MGAT5: variants seen among roughly 807,000 people sequenced by gnomAD.
MGAT5 encodes the protein alpha-1,6-mannosylglycoprotein 6-beta-N-acetylglucosaminyltransferase, also known as alpha-1,6-mannosylglycoprotein 6-beta-N-acetylglucosaminyltransferase A.
MGAT5 carries 30 observed loss-of-function variants against 94.3 expected under a neutral mutation model. That is an observed-to-expected ratio of 0.32 (90% CI 0.24 to 0.43). MGAT5 has a LOEUF of 0.43. Among genes scored for constraint, MGAT5 ranks in the 20% least tolerant of loss-of-function variants. The pLI is 1.00. For missense variants in MGAT5, 691 were observed against 905.5 expected (o/e 0.76, Z 3.04); for synonymous variants, 310 against 322.9 (o/e 0.96, Z 0.43).
intron 2 of MGAT5, among the ~76,000 whole-genome samples, chr2:134,284,977 T>C (rs1225416047): frequency 6.6e-6 from 1 of 152,242 alleles, no homozygotes; most frequent in Non-Finnish European, 1.5e-5. Context: ...TTAAGCATAC[T>C]TAATTTTGTG....
intron 13 of MGAT5, among the ~76,000 whole-genome samples, chr2:134,427,538 C>A (rs992290574): frequency 5.9e-5 from 9 of 152,122 alleles, no homozygotes; most frequent in Non-Finnish European, 1.2e-4. Context: ...AACCTCAAGG[C>A]TTTTTTGGAA....
intron 9 of MGAT5, among the ~76,000 whole-genome samples, chr2:134,354,632 G>A (rs1218042339): frequency 1.3e-5 from 2 of 152,120 alleles, no homozygotes; most frequent in African/African-American, 2.4e-5. Context: ...CAGTCTCAGA[G>A]GTTCACTGGC....
chr2:134,271,938 A>G (rs1684054278), intron 2 of MGAT5, among the ~76,000 whole-genome samples: 1 of 152,166 alleles, frequency 6.6e-6, no homozygotes, highest in African/African-American at 2.4e-5. Context: ...ATGTGGTTTC[A>G]TCACTGTTCT....
At chr2:134,257,881 G>A (rs1033810563) in intron 1 of MGAT5, among the ~76,000 whole-genome samples, 2 of 130,764 alleles carry the variant, frequency 1.5e-5, no homozygotes, top group East Asian at 4.8e-4. Flanking sequence ...TATGTGCAGT[G>A]CATTGCCTAC....
chr2:134,260,702 C>CT (rs3838494), intron 1 of MGAT5, among the ~76,000 whole-genome samples: 3,648 of 127,000 alleles, frequency 0.029, 61 homozygotes, highest in Middle Eastern at 0.041. Context: ...TTTTCTTTTT[C>CT]TTTTTTTTTT....
At chr2:134,355,246 G>C (rs973046685) in intron 9 of MGAT5, among the ~76,000 whole-genome samples, 1 of 152,136 alleles carries the variant, frequency 6.6e-6, no homozygotes, top group Non-Finnish European at 1.5e-5. Flanking sequence ...CCCTAACCCT[G>C]GTGTAACTTT....
In MGAT5 at chr2:134,312,932, C is replaced by T. The variant is rs145840657; in HGVS notation, c.407-4597C>T. On this transcript the variant is annotated intron_variant, in intron 2 of 15. Coordinates refer to ENST00000281923, the MANE Select transcript of MGAT5 (RefSeq NM_002410.5). ...ATTTCTTTTCCTGTCCTGTATTACG[C>T]TATTTCTATTCTCACCGTTCCTTTG... Among the ~76,000 whole-genome samples, 354 of 152,044 alleles carry T rather than the reference C, an allele frequency of 2.3e-3. 5 individuals carry two copies. The highest frequency in any genetic ancestry group is 0.018 in the East Asian group (94 of 5,170).
intron 10 of MGAT5, among the ~76,000 whole-genome samples, chr2:134,367,549 ACT>A (rs1176080206): frequency 6.6e-6 from 1 of 151,998 alleles, no homozygotes; most frequent in Non-Finnish European, 1.5e-5. Flanking sequence ...TAAAATACTT[ACT>A]CTCTGGCCTT....
intron 1 of MGAT5, among the ~76,000 whole-genome samples, chr2:134,166,371 C>G (rs79187460): frequency 5.5e-4 from 83 of 152,176 alleles, no homozygotes; most frequent in African/African-American, 2.0e-3. Flanking sequence ...TTCCTCTCCC[C>G]GAGGAGTATT....
chr2:134,442,458 C>G (rs910062092), intron 15 of MGAT5, among the ~76,000 whole-genome samples: 1 of 152,142 alleles, frequency 6.6e-6, no homozygotes, highest in Non-Finnish European at 1.5e-5. Context: ...GCGGCCTGTT[C>G]CCTTTTGCAC....
intron 1 of MGAT5, among the ~76,000 whole-genome samples, chr2:134,176,352 T>C (rs571808683): frequency 6.6e-6 from 1 of 152,066 alleles, no homozygotes; most frequent in Non-Finnish European, 1.5e-5. Flanking sequence ...GTGGGGTGGA[T>C]TGCGAGGTCA....
chr2:134,240,373 A>T lies in MGAT5; in HGVS notation c.-142-13889A>T, dbSNP rs562827533. 6.1e-3 allele frequency among the ~76,000 whole-genome samples: 728 copies of T among 120,160 alleles called. 7 individuals carry two copies. The highest frequency in any genetic ancestry group is 0.023 in the African/African-American group (649 of 28,196). 78.8% of individuals were successfully genotyped at this position (120,160 alleles called of 152,430 possible). A position where few individuals can be genotyped will look rare whatever the true frequency, so the allele number is the denominator to read the frequency against. On this transcript the variant is annotated intron_variant, in intron 1 of 16. Transcript: ENST00000409645. ...AATGAAAGTGTTTTTTTTTTTTTTT[A>T]CTATTTGTATGTTTGAAGGACATAA...
At chr2:134,174,092 C>T (rs1017604398) in intron 1 of MGAT5, among the ~76,000 whole-genome samples, 2 of 152,230 alleles carry the variant, frequency 1.3e-5, no homozygotes, top group Non-Finnish European at 2.9e-5. Flanking sequence ...CCAAATGAGC[C>T]TTTACCTCTA....
intron 14 of MGAT5, among the ~76,000 whole-genome samples, chr2:134,435,963 C>T (rs1365304194): frequency 6.6e-6 from 1 of 152,120 alleles, no homozygotes; most frequent in Non-Finnish European, 1.5e-5. Flanking sequence ...CAGTTGTGCC[C>T]TAAAAGCAGC....
intron 1 of MGAT5, 76 bp from the exon 2 acceptor site, chr2:134,270,310 A>G (rs930917654): frequency 7.2e-7 from 1 of 1,396,180 alleles, no homozygotes; most frequent in Non-Finnish European, 9.9e-7. Flanking sequence ...TTTGTTCTCC[A>G]CGATAAAGAG....
chr2:134,391,062 C>G (rs1682374331), intron 10 of MGAT5, among the ~76,000 whole-genome samples: 1 of 152,056 alleles, frequency 6.6e-6, no homozygotes, highest in South Asian at 2.1e-4. Flanking sequence ...AGGTCCTTGC[C>G]CCACTGAAGC....
chr2:134,329,391 C>T (rs905428793), intron 4 of MGAT5, among the ~76,000 whole-genome samples: 1 of 152,090 alleles, frequency 6.6e-6, no homozygotes, highest in African/African-American at 2.4e-5. Flanking sequence ...ATGGTAGGAG[C>T]AAGAGTTGGA....
intron 1 of MGAT5, among the ~76,000 whole-genome samples, chr2:134,198,175 T>C (rs1177622932): frequency 1.3e-5 from 2 of 152,232 alleles, no homozygotes; most frequent in African/African-American, 2.4e-5. Context: ...GTTCTTCATA[T>C]TGAAAAATGA....
chr2:134,420,375 A>T (rs1239634895), intron 12 of MGAT5, among the ~76,000 whole-genome samples: 2 of 152,150 alleles, frequency 1.3e-5, no homozygotes, highest in Non-Finnish European at 2.9e-5. Context: ...CTGACCATAG[A>T]GCTGAGCCGA....
Sources: gnomAD v4.1 joint callset for allele counts (sites outside exome capture counted in the v4.1 genomes callset) on GRCh38, gnomAD v4.1.1 for gene constraint, MANE v1.5 for transcripts, NCBI Gene and HGNC (gene_info 2026-07-23, HGNC 2026-07-21) for gene names.